TMCO5A: variants seen among roughly 807,000 people sequenced by gnomAD.
TMCO5A encodes the protein transmembrane and coiled-coil domains 5A, also known as transmembrane and coiled-coil domain-containing protein 5A.
A neutral mutation model predicts 42.3 loss-of-function variants in TMCO5A; 34 were observed. The observed-to-expected ratio is 0.80, with a 90% CI of 0.61 to 1.07. The LOEUF is 1.07. TMCO5A is among the 50% of genes least tolerant of loss of function. The pLI, the probability that TMCO5A is intolerant of heterozygous loss-of-function variation, is 0.00. For missense variants in TMCO5A, 357 were observed against 327.9 expected, an observed-to-expected ratio of 1.09 and a Z score of -0.69; for synonymous variants, 131 against 115.6, an observed-to-expected ratio of 1.13 and a Z score of -0.86.
At chr15:37,990,726 T>G in the TMCO5A span, among the ~76,000 whole-genome samples, 55 of 152,258 alleles carry the variant, frequency 3.6e-4, no homozygotes, top group Non-Finnish European at 7.2e-4. Context: ...TGTCTTCTTT[T>G]GTGTTTAGTT....
chr15:37,974,792 G>C, the TMCO5A span, among the ~76,000 whole-genome samples: 1 of 151,980 alleles, frequency 6.6e-6, no homozygotes, highest in African/African-American at 2.4e-5. Context: ...GCTAGCTCTG[G>C]GGTTGGTTTG....
the TMCO5A span, among the ~76,000 whole-genome samples, chr15:38,036,082 A>G: frequency 1.3e-5 from 2 of 152,162 alleles, no homozygotes; most frequent in African/African-American, 2.4e-5. Context: ...TCCATCACCC[A>G]GTCACAAAAT....
At position 37,943,328 on chromosome 15, in the gene TMCO5A, G is replaced by C; in HGVS notation, c.570-13G>C. 6.2e-7 allele frequency: 1 copy of C among 1,611,164 alleles called. No individual in the cohort carries two copies. The highest frequency in any genetic ancestry group is 8.5e-7 in the Non-Finnish European group (1 of 1,178,754). On this transcript the variant is annotated splice_polypyrimidine_tract_variant and intron_variant, in intron 9 of 11. Transcript: ENST00000319669. ...ACTTTGTTCAATTTCTGTCCTGGCT[G>C]TTATCTTCATAGATCAAAACTCGTG...
At chr15:38,008,177 G>A in the TMCO5A span, among the ~76,000 whole-genome samples, 10 of 152,078 alleles carry the variant, frequency 6.6e-5, no homozygotes, top group Non-Finnish European at 1.0e-4. Flanking sequence ...TTACAGGCGT[G>A]AGCCACCGTG....
chr15:37,950,097 T>C (rs988607465), intron 11 of TMCO5A, among the ~76,000 whole-genome samples: 1 of 152,210 alleles, frequency 6.6e-6, no homozygotes, highest in Admixed American at 6.5e-5. Context: ...AATACCTTTA[T>C]GGTGTAATCT....
At chr15:38,018,045 C>G in the TMCO5A span, among the ~76,000 whole-genome samples, 1 of 152,138 alleles carries the variant, frequency 6.6e-6, no homozygotes, top group Non-Finnish European at 1.5e-5. Context: ...CCATGCAGAA[C>G]TATAAGTCAA....
chr15:37,955,776 A>G (rs1278608764), downstream of TMCO5A, among the ~76,000 whole-genome samples: 1 of 152,146 alleles, frequency 6.6e-6, no homozygotes, highest in Non-Finnish European at 1.5e-5. Context: ...CTCCACCCCA[A>G]ATCAACAGAA....
chr15:38,036,802 A>G, the TMCO5A span, among the ~76,000 whole-genome samples: 1 of 151,014 alleles, frequency 6.6e-6, no homozygotes, highest in Non-Finnish European at 1.5e-5. Flanking sequence ...TGCTTGCATG[A>G]CTCTCTCCAT....
chr15:37,982,031 G>C, the TMCO5A span, among the ~76,000 whole-genome samples: 1 of 152,188 alleles, frequency 6.6e-6, no homozygotes, highest in Non-Finnish European at 1.5e-5. Flanking sequence ...TCAGAAGCTA[G>C]TCATTCATGT....
intron 5 of TMCO5A, 91 bp downstream of exon 5, chr15:37,937,487 C>A: frequency 7.1e-7 from 1 of 1,412,326 alleles, no homozygotes; most frequent in South Asian, 1.2e-5. Context: ...ATAGAGGAAC[C>A]CATAAGTCAG....
chr15:37,934,745 G>A (rs555834456), intron 1 of TMCO5A, 51 bp downstream of exon 1: 7 of 152,196 alleles, frequency 4.6e-5, no homozygotes, highest in Admixed American at 3.3e-4. Flanking sequence ...AAGGGGAAGG[G>A]AGAGACAAAT....
At chr15:37,959,638 G>C (rs1890372913) in intron 11 of TMCO5A, among the ~76,000 whole-genome samples, 1 of 151,954 alleles carries the variant, frequency 6.6e-6, no homozygotes, top group Non-Finnish European at 1.5e-5. Context: ...ATTCAACAAT[G>C]CTTCATGATA....
At chr15:37,972,570 A>G (rs1890695476), downstream of TMCO5A, among the ~76,000 whole-genome samples, 1 of 152,096 alleles carries the variant, frequency 6.6e-6, no homozygotes, top group South Asian at 2.1e-4. Context: ...CTTCTTGACC[A>G]TATGTATGTC....
the TMCO5A span, among the ~76,000 whole-genome samples, chr15:37,979,727 C>A: frequency 1.3e-5 from 2 of 152,248 alleles, no homozygotes; most frequent in South Asian, 4.1e-4. Flanking sequence ...AGCCTCAGGG[C>A]AGCAAGGGCA....
the TMCO5A span, among the ~76,000 whole-genome samples, chr15:38,026,901 A>G: frequency 6.6e-6 from 1 of 152,238 alleles, no homozygotes; most frequent in East Asian, 1.9e-4. Context: ...TTGAGCCTAC[A>G]GGTGCACAGA....
At chr15:37,977,857 G>A in the TMCO5A span, among the ~76,000 whole-genome samples, 2 of 152,180 alleles carry the variant, frequency 1.3e-5, no homozygotes, top group African/African-American at 4.8e-5. Flanking sequence ...GCCTGGAGTG[G>A]GGCAGCTGTG....
At chr15:37,988,357 G>T in the TMCO5A span, among the ~76,000 whole-genome samples, 1 of 151,442 alleles carries the variant, frequency 6.6e-6, no homozygotes, top group Non-Finnish European at 1.5e-5. Flanking sequence ...TTGCCTTATT[G>T]CTCTGGCTAC....
chr15:37,959,428 T>A (rs1222796816), intron 11 of TMCO5A, among the ~76,000 whole-genome samples: 1 of 151,942 alleles, frequency 6.6e-6, no homozygotes, highest in Non-Finnish European at 1.5e-5. Flanking sequence ...CCAAAATATC[T>A]GATGAATATT....
At chr15:37,943,730 TC>T (rs1889838499) in intron 10 of TMCO5A, 3 of 223,614 alleles carry the variant, frequency 1.3e-5, no homozygotes, top group Non-Finnish European at 2.7e-5. Flanking sequence ...CACCACCTCT[TC>T]CATCTCCTAC....
Sources: allele counts gnomAD v4.1 joint callset (sites outside exome capture counted in the v4.1 genomes callset), GRCh38; gene constraint gnomAD v4.1.1; transcripts MANE v1.5; gene names NCBI Gene and HGNC (gene_info 2026-07-23, HGNC 2026-07-21).